The following ATP11A variants were observed in gnomAD, a reference collection of about 807,000 sequenced individuals.
The protein encoded by ATP11A is ATPase phospholipid transporting 11A.
Under a neutral mutation model 154.4 loss-of-function variants are expected in ATP11A, and 81 were observed. That is an observed-to-expected ratio of 0.52 (90% CI 0.44 to 0.63). The LOEUF (loss-of-function observed/expected upper bound fraction) is 0.63. Among genes scored for constraint, ATP11A ranks in the 30% least tolerant of loss-of-function variants. The pLI is 0.00. For synonymous variants in ATP11A, 623 were observed against 585.9 expected, an observed-to-expected ratio of 1.06 and a Z score of -0.91; for missense variants, 1,316 against 1,474.3, an observed-to-expected ratio of 0.89 and a Z score of 1.76.
At position 112,690,496 on chromosome 13, in the gene ATP11A, A is replaced by C. The variant is rs930882393; in HGVS notation, c.39+41A>C. The C allele has an allele frequency of 7.7e-6, 10 of 1,296,604 alleles. No individual in the cohort carries two copies. Among genetic ancestry groups the C allele is most frequent in the Non-Finnish European group, 8.8e-6 (9 of 1,022,668 alleles). 80.3% of individuals were successfully genotyped at this position (1,296,604 alleles called of 1,614,324 possible). On this transcript the variant is annotated intron_variant, in intron 1 of 29. Transcript: ENST00000375645. The surrounding 1 kb of genome is among the most constrained non-coding windows in gnomAD (Gnocchi z 5.6). ...GCGGGCTGGGGGACCCGGGGACCAGACAGACGCGGGCCGGCCCCGCAGCCC... is the reference window on the plus strand; with the variant it reads ...GCGGGCTGGGGGACCCGGGGACCAGCCAGACGCGGGCCGGCCCCGCAGCCC...
At chr13:112,742,432 G>A (rs555730241) in intron 1 of ATP11A, among the ~76,000 whole-genome samples, 2 of 152,322 alleles carry the variant, frequency 1.3e-5, no homozygotes, top group East Asian at 3.9e-4. Context: ...GTGTGAGCAC[G>A]CGGTGTCACA....
intron 1 of ATP11A, among the ~76,000 whole-genome samples, chr13:112,716,921 G>A (rs372267520): frequency 2.7e-3 from 121 of 44,152 alleles, no homozygotes; most frequent in African/African-American, 0.012. Context: ...GTGGACATCC[G>A]GGAGCTGGAG....
Position 112,823,258 on chromosome 13 carries a change from C to G in ATP11A, c.726-87C>G, listed in dbSNP as rs144206211. 6,741 of 950,572 alleles carry G rather than the reference C, an allele frequency of 7.1e-3. 32 individuals are homozygous for G. The highest frequency in any genetic ancestry group is 8.9e-3 in the Non-Finnish European group (5,288 of 593,070). 58.9% of individuals were successfully genotyped at this position (950,572 alleles called of 1,614,324 possible). A position where few individuals can be genotyped will look rare whatever the true frequency, so the allele number is the denominator to read the frequency against. On this transcript the variant is annotated intron_variant, in intron 8 of 29. Coordinates refer to ENST00000375645, the MANE Select transcript of ATP11A (RefSeq NM_015205.3). ...CTGAAAATGAGATCTGCTGAGCAAA[C>G]AAGTGGGTTTCACGTCTGCCTCTTG... is the stretch of plus-strand genomic sequence containing the variant.
intron 29 of ATP11A, chr13:112,880,973 A>G (rs1002867083): frequency 3.5e-5 from 35 of 992,216 alleles, no homozygotes; most frequent in Non-Finnish European, 3.7e-5. Context: ...TAAAAGGCCC[A>G]TCAGGAAGGA....
chr13:112,721,762 T>C (rs1300223626), intron 1 of ATP11A, among the ~76,000 whole-genome samples: 1 of 152,228 alleles, frequency 6.6e-6, no homozygotes, highest in Non-Finnish European at 1.5e-5. Context: ...GCGAATGACA[T>C]TGCATATAAC....
In ATP11A at chr13:112,690,538, C is replaced by T; in HGVS notation, c.39+83C>T. Reference sequence around the variant, plus strand: ...CCGCAGCCCGGACCCTGTGGCCGGTCCAGCCCCGGGGTCCCGGGAGGTCTC... The same window carrying T: ...CCGCAGCCCGGACCCTGTGGCCGGTTCAGCCCCGGGGTCCCGGGAGGTCTC... On this transcript the variant is annotated intron_variant, in intron 1 of 29. Coordinates refer to ENST00000375645, the MANE Select transcript of ATP11A (RefSeq NM_015205.3). The surrounding 1 kb of genome is among the most constrained non-coding windows in gnomAD (Gnocchi z 5.6). 1 of 1,223,054 alleles carries T rather than the reference C, an allele frequency of 8.2e-7. No individual in the cohort carries two copies. Among genetic ancestry groups the T allele is most frequent in the South Asian group, 3.1e-5 (1 of 31,894 alleles). 75.8% of individuals were successfully genotyped at this position (1,223,054 alleles called of 1,614,324 possible).
intron 6 of ATP11A, 108 bp downstream of exon 6, chr13:112,816,319 C>T: frequency 6.9e-7 from 1 of 1,444,322 alleles, no homozygotes; most frequent in Non-Finnish European, 9.4e-7. Flanking sequence ...TCACCGTTTT[C>T]ATGTAACCCA....
At chr13:112,786,798 T>G (rs1468962355) in intron 2 of ATP11A, among the ~76,000 whole-genome samples, 1 of 152,258 alleles carries the variant, frequency 6.6e-6, no homozygotes, top group Non-Finnish European at 1.5e-5. Context: ...TGCCCTCACC[T>G]GTAGACGCAT....
intron 1 of ATP11A, among the ~76,000 whole-genome samples, chr13:112,784,747 T>C (rs1170908020): frequency 6.6e-6 from 1 of 152,154 alleles, no homozygotes; most frequent in Non-Finnish European, 1.5e-5. Context: ...ATGGTCTCCA[T>C]CTCCTGACCT....
At chr13:112,692,141 C>G (rs541386681) in intron 1 of ATP11A, among the ~76,000 whole-genome samples, 1 of 152,196 alleles carries the variant, frequency 6.6e-6, no homozygotes, top group Non-Finnish European at 1.5e-5. Flanking sequence ...CTTCTGTTCT[C>G]AGTTGTGTCG....
rs2080699798 is a variant in ATP11A, at chr13:112,875,680, T to C, written c.3162-96T>C. ...GCCAAGCAACTCTCACTGACAAAAG[T>C]GTAAACTCCCTGAACAGACGGCCTC... On this transcript the variant is annotated intron_variant, in intron 27 of 29. Transcript: ENST00000375645. The surrounding 1 kb of genome is among the most constrained non-coding windows in gnomAD (Gnocchi z 4.1). The C allele has an allele frequency of 2.2e-6, 3 of 1,386,242 alleles. No individual in the cohort carries two copies. The Admixed American group carries it at 6.5e-5, about 30-fold the overall frequency. 85.9% of individuals were successfully genotyped at this position (1,386,242 alleles called of 1,614,324 possible).
At position 112,762,710 on chromosome 13, in the gene ATP11A, TA is replaced by T. The variant is rs552049415; in HGVS notation, c.40-22424del. Among the ~76,000 whole-genome samples the T allele has an allele frequency of 5.4e-3, 825 of 152,346 alleles. 7 individuals are homozygous for T. Among genetic ancestry groups the T allele is most frequent in the African/African-American group, 0.018 (742 of 41,584 alleles). On this transcript the variant is annotated intron_variant, in intron 1 of 29. Transcript: ENST00000375645. Reference sequence around the variant, plus strand: ...TAAAGTCATGAGCTCGAAACCCAGTTATGCTCAGCTAAGTTCCACGGAATAA... The same window carrying T: ...TAAAGTCATGAGCTCGAAACCCAGTTTGCTCAGCTAAGTTCCACGGAATAA...
chr13:112,819,555 ATTAC>A (rs1466342694), intron 7 of ATP11A, 148 bp downstream of exon 7: 10 of 680,760 alleles, frequency 1.5e-5, no homozygotes, highest in Non-Finnish European at 2.2e-5. Flanking sequence ...TCAAAAATAC[ATTAC>A]TTATTTATTC....
intron 20 of ATP11A, chr13:112,856,924 G>T (rs1183227867): frequency 6.6e-6 from 1 of 152,142 alleles, no homozygotes; most frequent in Admixed American, 6.5e-5. Context: ...ACAGAACCAG[G>T]GTCCTCAGAA....
intron 1 of ATP11A, among the ~76,000 whole-genome samples, chr13:112,775,259 G>A (rs1594642375): frequency 6.6e-6 from 1 of 152,238 alleles, no homozygotes; most frequent in East Asian, 1.9e-4. Context: ...GTGAAGCTCT[G>A]CTGTGAAGAT....
intron 27 of ATP11A, among the ~76,000 whole-genome samples, chr13:112,873,938 C>G (rs939768002): frequency 6.6e-6 from 1 of 152,158 alleles, no homozygotes; most frequent in Non-Finnish European, 1.5e-5. Context: ...TACGGAGGAA[C>G]AGACCAGGAT....
At chr13:112,863,509 C>T (rs1413173716) in intron 25 of ATP11A, among the ~76,000 whole-genome samples, 1 of 150,590 alleles carries the variant, frequency 6.6e-6, no homozygotes, top group African/African-American at 2.5e-5. Context: ...GGGTCCATCA[C>T]CACGTGCGCA....
chr13:112,831,422 C>G lies in ATP11A; in HGVS notation c.1269C>G (p.Asn423Lys). ...AGACCGGCACCCTCACGGAAAACAA[C>G]ATGGAGTTCAAGGAGTGCTGCATCG... The part of the protein sequence containing the change: ...TDKTGTLTEN[N>K]MEFKECCIEG... The change falls in exon 13 of 30, where the codon AAC becomes AAG. Residue 423 changes from asparagine (N) to lysine (K), a missense_variant. Asn to Lys is a moderately conservative substitution (Grantham distance 94). Around this residue, in one of 5 missense-constraint regions of ATP11A, gnomAD observed 876 missense variants for 1,006.8 expected, o/e 0.87. Transcript: ENST00000375645. The G allele has an allele frequency of 4.3e-6, 7 of 1,614,222 alleles. No homozygotes were observed. Among genetic ancestry groups the G allele is most frequent in the Non-Finnish European group, 5.9e-6 (7 of 1,180,024 alleles).
intron 14 of ATP11A, among the ~76,000 whole-genome samples, chr13:112,834,105 G>T (rs951517088): frequency 2.0e-5 from 3 of 152,218 alleles, no homozygotes; most frequent in Non-Finnish European, 2.9e-5. Flanking sequence ...GCATTGTATA[G>T]ATGGGTGCAC....
Sources: allele counts gnomAD v4.1 joint callset (sites outside exome capture counted in the v4.1 genomes callset), GRCh38; gene constraint gnomAD v4.1.1; regional missense constraint gnomAD v4.1.1; non-coding constraint Gnocchi (gnomAD v3.1); transcripts MANE v1.5; gene names NCBI Gene and HGNC (gene_info 2026-07-23, HGNC 2026-07-21).